TSHZ3: variants seen among roughly 807,000 people sequenced by gnomAD.
TSHZ3 encodes teashirt homolog 3.
Under a neutral mutation model 64.5 loss-of-function variants are expected in TSHZ3, and 10 were observed. The observed-to-expected ratio is 0.16, with a 90% CI of 0.10 to 0.26. TSHZ3 has a LOEUF of 0.26. Ranked by LOEUF, TSHZ3 falls within the 10% of genes least tolerant of loss-of-function variation. TSHZ3 has a pLI of 1.00. For synonymous variants in TSHZ3, 608 were observed against 593.1 expected (o/e 1.03, Z -0.36); for missense variants, 1,242 against 1,421.7 (o/e 0.87, Z 2.03).
chr19:31,185,236 C>T (rs116972834), intron 5 of TSHZ3, among the ~76,000 whole-genome samples: 19 of 152,292 alleles, frequency 1.2e-4, no homozygotes, highest in Non-Finnish European at 2.2e-4. Context: ...TATCCTGGGC[C>T]TCCTCCGGAG....
intron 5 of TSHZ3, among the ~76,000 whole-genome samples, chr19:31,175,907 T>G (rs1974600744): frequency 6.6e-6 from 1 of 152,212 alleles, no homozygotes; most frequent in Admixed American, 6.5e-5. Flanking sequence ...GGTTCTGGTC[T>G]GGGAATCAAG....
chr19:31,224,316 A>T (rs887779633), intron 4 of TSHZ3, among the ~76,000 whole-genome samples: 8 of 152,140 alleles, frequency 5.3e-5, no homozygotes, highest in Non-Finnish European at 8.8e-5. Context: ...ACCATGGTTA[A>T]TTTGTGCTTT....
chr19:31,250,087 C>G (rs919696829), intron 1 of TSHZ3, among the ~76,000 whole-genome samples: 2 of 152,170 alleles, frequency 1.3e-5, no homozygotes, highest in African/African-American at 4.8e-5. Flanking sequence ...ACACACCTGT[C>G]GAGTGAACAC....
At chr19:31,299,328 T>C (rs1314357239) in intron 1 of TSHZ3, among the ~76,000 whole-genome samples, 1 of 152,140 alleles carries the variant, frequency 6.6e-6, no homozygotes, top group Admixed American at 6.5e-5. Context: ...GTCTCCCCAC[T>C]TGAAAAATGG....
intron 1 of TSHZ3, among the ~76,000 whole-genome samples, chr19:31,337,280 A>G (rs1320639769): frequency 6.6e-6 from 1 of 152,128 alleles, no homozygotes; most frequent in African/African-American, 2.4e-5. Flanking sequence ...TAAAACTGAG[A>G]AAAGGGGATA....
intron 1 of TSHZ3, among the ~76,000 whole-genome samples, chr19:31,295,927 C>T (rs1470069521): frequency 4.1e-5 from 6 of 145,386 alleles, no homozygotes; most frequent in Non-Finnish European, 6.0e-5. Flanking sequence ...CCTTGCCCCT[C>T]GCTTTCCCCC....
chr19:31,224,793 T>C (rs1316479453), intron 4 of TSHZ3, among the ~76,000 whole-genome samples: 1 of 152,264 alleles, frequency 6.6e-6, no homozygotes, highest in South Asian at 2.1e-4. Context: ...TTTTCTTTTA[T>C]AATATTTTCA....
intron 5 of TSHZ3, among the ~76,000 whole-genome samples, chr19:31,185,104 C>CA (rs112596078): frequency 0.66 from 96,217 of 146,772 alleles, 31,368 homozygotes; most frequent in African/African-American, 0.74. Context: ...GAAACAACAA[C>CA]AAAAAAAAAA....
intron 5 of TSHZ3, among the ~76,000 whole-genome samples, chr19:31,188,247 C>T (rs1385107651): frequency 6.6e-6 from 1 of 151,714 alleles, no homozygotes; most frequent in African/African-American, 2.4e-5. Flanking sequence ...AGTAACTTTG[C>T]TAAATTCACT....
intron 1 of TSHZ3, among the ~76,000 whole-genome samples, chr19:31,314,278 T>C (rs959640063): frequency 1.3e-5 from 2 of 152,190 alleles, no homozygotes; most frequent in Non-Finnish European, 2.9e-5. Flanking sequence ...CAAGCACTGC[T>C]ACATGCAGGC....
At chr19:31,245,550 G>A (rs1004379638) in intron 1 of TSHZ3, among the ~76,000 whole-genome samples, 12 of 152,160 alleles carry the variant, frequency 7.9e-5, no homozygotes, top group African/African-American at 2.9e-4. Context: ...CCTGGTAACA[G>A]AATGCTTCTG....
intron 1 of TSHZ3, among the ~76,000 whole-genome samples, chr19:31,253,448 C>A (rs1975867849): frequency 6.6e-6 from 1 of 152,140 alleles, no homozygotes; most frequent in Non-Finnish European, 1.5e-5. Flanking sequence ...CAACTGTGTG[C>A]CCCTCCACAG....
chr19:31,266,123 G>A (rs886475205), intron 1 of TSHZ3, among the ~76,000 whole-genome samples: 2 of 152,090 alleles, frequency 1.3e-5, no homozygotes, highest in African/African-American at 4.8e-5. Flanking sequence ...GCCTAGAGGT[G>A]GACCTCAGGG....
intron 5 of TSHZ3, among the ~76,000 whole-genome samples, chr19:31,164,101 AC>A (rs1288580729): frequency 6.6e-6 from 1 of 152,082 alleles, no homozygotes; most frequent in Non-Finnish European, 1.5e-5. Flanking sequence ...TGACCCCGAC[AC>A]CTTTTTGGTG....
At chr19:31,286,919 A>G (rs1344487454) in intron 1 of TSHZ3, among the ~76,000 whole-genome samples, 2 of 152,254 alleles carry the variant, frequency 1.3e-5, no homozygotes, top group Non-Finnish European at 2.9e-5. Flanking sequence ...GGAGACACCA[A>G]TTCGTTAATA....
chr19:31,255,133 A>C (rs1213635891), intron 1 of TSHZ3, among the ~76,000 whole-genome samples: 1 of 152,206 alleles, frequency 6.6e-6, no homozygotes, highest in Non-Finnish European at 1.5e-5. Context: ...AGGAAAACGA[A>C]GGAGATGAGG....
At chr19:31,307,595 T>C (rs1916337607) in intron 1 of TSHZ3, among the ~76,000 whole-genome samples, 1 of 152,174 alleles carries the variant, frequency 6.6e-6, no homozygotes, top group South Asian at 2.1e-4. Context: ...CTGGCTTTCC[T>C]CAAACTCCAC....
chr19:31,340,338 C>CAAAAAAAAA (rs1160334453), intron 1 of TSHZ3, among the ~76,000 whole-genome samples: 1,082 of 32,752 alleles, frequency 0.033, 275 homozygotes, highest in East Asian at 0.17. Flanking sequence ...GCCTACAGTA[C>CAAAAAAAAA]AAAAAAAAAA....
At chr19:31,177,197 G>A (rs1974622692) in intron 5 of TSHZ3, among the ~76,000 whole-genome samples, 2 of 152,178 alleles carry the variant, frequency 1.3e-5, no homozygotes, top group Admixed American at 1.3e-4. Context: ...TGCATCAATG[G>A]ACCATGGCGC....
Sources: gnomAD v4.1 joint callset for allele counts (sites outside exome capture counted in the v4.1 genomes callset) on GRCh38, gnomAD v4.1.1 for gene constraint, MANE v1.5 for transcripts, NCBI Gene and HGNC (gene_info 2026-07-23, HGNC 2026-07-21) for gene names.